CCDC30: variants seen among roughly 807,000 people sequenced by gnomAD.
CCDC30 encodes the protein coiled-coil domain containing 30.
CCDC30 carries 70 observed loss-of-function variants against 100.2 expected under a neutral mutation model. That is an observed-to-expected ratio of 0.70 (90% CI 0.58 to 0.85). CCDC30 has a LOEUF of 0.85. Among genes scored for constraint, CCDC30 ranks in the 40% least tolerant of loss-of-function variants. The probability of loss-of-function intolerance (pLI) is 0.00; values close to 1 mark genes in which losing one functional copy is unlikely to be tolerated. For synonymous variants in CCDC30, 233 were observed against 269.5 expected (o/e 0.86, Z 1.33); for missense variants, 652 against 771.2 (o/e 0.85, Z 1.83).
chr1:42,476,895 GTT>G (rs79217499), intron 1 of CCDC30, among the ~76,000 whole-genome samples: 1 of 130,234 alleles, frequency 7.7e-6, no homozygotes, highest in Non-Finnish European at 1.7e-5. Flanking sequence ...TTTTTTTTTT[GTT>G]TTTTTTTTTT....
At chr1:42,473,393 C>T (rs1219516396) in intron 1 of CCDC30, 2 of 738,884 alleles carry the variant, frequency 2.7e-6, no homozygotes, top group Admixed American at 4.3e-5. Context: ...TAATGTTTGG[C>T]TATCACTGTA....
intron 13 of CCDC30, among the ~76,000 whole-genome samples, chr1:42,643,666 T>G (rs1647636080): frequency 7.2e-6 from 1 of 138,988 alleles, no homozygotes; most frequent in Non-Finnish European, 1.6e-5. Flanking sequence ...GAGTATTTCC[T>G]CATTTTACAA....
At chr1:42,624,882 G>C (rs1367813603) in intron 11 of CCDC30, among the ~76,000 whole-genome samples, 1 of 152,070 alleles carries the variant, frequency 6.6e-6, no homozygotes, top group Admixed American at 6.6e-5. Context: ...TTTGGTATTA[G>C]GATAACACTG....
At chr1:42,571,328 T>G (rs2148574026) in intron 7 of CCDC30, 1 of 152,338 alleles carries the variant, frequency 6.6e-6, no homozygotes, top group South Asian at 2.1e-4. Context: ...TCATTGTCTG[T>G]GTCTTACTTT....
chr1:42,457,314 T>C, the CCDC30 span: 1 of 1,614,098 alleles, frequency 6.2e-7, no homozygotes, highest in African/African-American at 1.3e-5. Flanking sequence ...CTGAAATGCC[T>C]GAACACAAGA....
At chr1:42,566,551 T>G in intron 7 of CCDC30, 76 bp downstream of exon 11, 1 of 1,232,498 alleles carries the variant, frequency 8.1e-7, no homozygotes, top group South Asian at 1.4e-5. Flanking sequence ...GTTCCTCTAC[T>G]TGATAATTCA....
At chr1:42,530,342 TTGCTAATCTCTTACTA>T (rs1644787679) in intron 6 of CCDC30, among the ~76,000 whole-genome samples, 1 of 152,214 alleles carries the variant, frequency 6.6e-6, no homozygotes. Context: ...ATTATTATTG[TTGCTAATCTCTTACTA>T]TGCCTAATTT....
At chr1:42,507,644 T>C (rs1644415729) in intron 6 of CCDC30, among the ~76,000 whole-genome samples, 1 of 152,256 alleles carries the variant, frequency 6.6e-6, no homozygotes, top group African/African-American at 2.4e-5. Flanking sequence ...ATTATGATAG[T>C]AACTCATAGC....
At chr1:42,632,009 T>C (rs1168417241) in intron 11 of CCDC30, among the ~76,000 whole-genome samples, 3 of 152,096 alleles carry the variant, frequency 2.0e-5, no homozygotes, top group Non-Finnish European at 2.9e-5. Context: ...TAAGACTAAG[T>C]CCCTTTTATT....
In CCDC30 at chr1:42,517,910, C is replaced by T. The variant is rs545939934; in HGVS notation, c.456+18994C>T. Among the ~76,000 whole-genome samples, 561 of 152,234 alleles carry T rather than the reference C, an allele frequency of 3.7e-3. 8 individuals are homozygous for T. The highest frequency in any genetic ancestry group is 0.013 in the African/African-American group (536 of 41,552). On this transcript the variant is annotated intron_variant, in intron 6 of 16. Transcript: ENST00000668663. Reference sequence around the variant, plus strand: ...GTTTTGAAATCAGAAAGTGTGAGTCCTCCAACTTTTGTTTTTCTTTTTCAA... The same window carrying T: ...GTTTTGAAATCAGAAAGTGTGAGTCTTCCAACTTTTGTTTTTCTTTTTCAA...
the CCDC30 span, chr1:42,457,088 A>G: frequency 6.3e-7 from 1 of 1,583,252 alleles, no homozygotes; most frequent in Non-Finnish European, 8.6e-7. Flanking sequence ...GTGCCCTAGG[A>G]GTACCCCTTT....
intron 11 of CCDC30, among the ~76,000 whole-genome samples, chr1:42,612,491 C>G (rs763459444): frequency 6.6e-6 from 1 of 152,220 alleles, no homozygotes; most frequent in Admixed American, 6.5e-5. Context: ...GCATTGACCA[C>G]CTCACAACCA....
intron 15 of CCDC30, 68 bp from the exon 20 acceptor site, chr1:42,653,308 T>C: frequency 3.5e-6 from 3 of 845,524 alleles, no homozygotes; most frequent in East Asian, 5.1e-5. Flanking sequence ...TATATATTTT[T>C]TTCTAGGATC....
intron 6 of CCDC30, among the ~76,000 whole-genome samples, chr1:42,527,541 CA>C: frequency 6.6e-6 from 1 of 152,286 alleles, no homozygotes; most frequent in Non-Finnish European, 1.5e-5. Flanking sequence ...AGTAAACATA[CA>C]AACAAATCAA....
chr1:42,457,628 T>C, the CCDC30 span: 1 of 444,666 alleles, frequency 2.2e-6, no homozygotes, highest in Non-Finnish European at 4.1e-6. Context: ...CGATGAAGCT[T>C]CTTGGAGGAG....
intron 1 of CCDC30, among the ~76,000 whole-genome samples, chr1:42,476,937 A>G (rs1320968403): frequency 2.1e-5 from 3 of 140,260 alleles, no homozygotes; most frequent in African/African-American, 7.9e-5. Context: ...TGAGTTAATT[A>G]TAGGACATAT....
the CCDC30 span, chr1:42,456,963 G>A: frequency 2.5e-6 from 4 of 1,603,968 alleles, no homozygotes; most frequent in Non-Finnish European, 3.4e-6. Context: ...GAGGCTCTGA[G>A]GAGCTACCAG....
At chr1:42,655,066 C>A (rs183744690), downstream of CCDC30, among the ~76,000 whole-genome samples, 2 of 152,132 alleles carry the variant, frequency 1.3e-5, no homozygotes, top group Admixed American at 1.3e-4. Context: ...TACATATATT[C>A]TAAGTGGTTA....
chr1:42,555,697 T>C (rs1645354373), intron 6 of CCDC30, among the ~76,000 whole-genome samples: 1 of 152,226 alleles, frequency 6.6e-6, no homozygotes. Flanking sequence ...TTTTATTTTT[T>C]ATTTTTTGAG....
Sources: gnomAD v4.1 joint callset for allele counts (sites outside exome capture counted in the v4.1 genomes callset) on GRCh38, gnomAD v4.1.1 for gene constraint, MANE v1.5 for transcripts, NCBI Gene and HGNC (gene_info 2026-07-23, HGNC 2026-07-21) for gene names.